The following MIOS variants were observed in gnomAD, a reference collection of about 807,000 sequenced individuals.
MIOS encodes the protein meiosis regulator for oocyte development.
In MIOS, 52 loss-of-function variants were observed where a neutral mutation model predicts 96.9. The ratio of observed to expected loss-of-function variants is 0.54; its 90% CI spans 0.43 to 0.68. The LOEUF is 0.68. MIOS is among the 30% of genes least tolerant of loss of function. The pLI, the probability that MIOS is intolerant of heterozygous loss-of-function variation, is 0.00. For synonymous variants in MIOS, 397 were observed against 359.5 expected (o/e 1.10, Z -1.18); for missense variants, 1,005 against 1,052.8 (o/e 0.95, Z 0.63).
intron 3 of MIOS, among the ~76,000 whole-genome samples, chr7:7,570,771 G>A (rs1219241603): frequency 6.6e-6 from 1 of 152,172 alleles, no homozygotes; most frequent in Non-Finnish European, 1.5e-5. Flanking sequence ...TGATCTGACA[G>A]GAGGCGGAGC....
intron 6 of MIOS, among the ~76,000 whole-genome samples, chr7:7,585,052 GTGTC>G (rs996996586): frequency 2.0e-5 from 3 of 152,060 alleles, no homozygotes; most frequent in African/African-American, 7.2e-5. Flanking sequence ...ATATACATAA[GTGTC>G]TGCATTATAT....
rs761565274 is a variant in MIOS at position 7,589,420 on chromosome 7, G to A, written c.1900G>A (p.Glu634Lys). Reference protein sequence around the residue: ...LSDTQLNRYIEKLTNEMKEAG... With the variant: ...LSDTQLNRYIKKLTNEMKEAG... ...AATTTTCCAGTTAAATAGATACATC[G>A]AAAAGTTGACCAATGAAATGAAAGA... The change falls in exon 9 of 13, where the codon GAA (glutamate) becomes AAA (lysine). Residue 634 changes from glutamate (E) to lysine (K), a missense_variant. Transcript: ENST00000340080. 1.4e-5 allele frequency: 23 copies of A among 1,613,004 alleles called. No individual in the cohort carries two copies. The highest frequency in any genetic ancestry group is 1.7e-5 in the Non-Finnish European group (20 of 1,179,418).
At chr7:7,576,755 G>T (rs1223776246) in intron 5 of MIOS, among the ~76,000 whole-genome samples, 1 of 152,162 alleles carries the variant, frequency 6.6e-6, no homozygotes, top group Admixed American at 6.5e-5. Context: ...TCAGATAGAA[G>T]CCTGCTGCAA....
chr7:7,594,862 C>CCA, intron 9 of MIOS, 118 bp from the exon 10 acceptor site: 1 of 375,182 alleles, frequency 2.7e-6, no homozygotes, highest in South Asian at 7.9e-5. Flanking sequence ...CAGCTTTTGG[C>CCA]AAAAAAAAAA....
intron 11 of MIOS, among the ~76,000 whole-genome samples, chr7:7,599,497 C>T (rs906909038): frequency 6.6e-6 from 1 of 152,176 alleles, no homozygotes; most frequent in African/African-American, 2.4e-5. Context: ...GAGGAAGTTA[C>T]CATTTAAGCC....
At chr7:7,597,743 G>C (rs568704080) in intron 11 of MIOS, among the ~76,000 whole-genome samples, 1 of 151,542 alleles carries the variant, frequency 6.6e-6, no homozygotes, top group Non-Finnish European at 1.5e-5. Context: ...CTGTCACCCA[G>C]GATAGAATGC....
intron 11 of MIOS, among the ~76,000 whole-genome samples, chr7:7,599,130 A>C (rs754430651): frequency 6.6e-6 from 1 of 152,178 alleles, no homozygotes; most frequent in Non-Finnish European, 1.5e-5. Context: ...TGTCATTTCA[A>C]AGTCTCTAAA....
chr7:7,586,155 C>CGTGTGTGT lies in MIOS; in HGVS notation c.1818+383_1818+390dup, dbSNP rs10527974. Among the ~76,000 whole-genome samples the CGTGTGTGT allele has an allele frequency of 3.1e-3, 461 of 150,042 alleles. 3 individuals carry two copies. The highest frequency in any genetic ancestry group is 7.0e-3 in the Admixed American group (105 of 15,068). On this transcript the variant is annotated intron_variant, in intron 7 of 12. Transcript: ENST00000340080. ...GCTGTTTACACTGTGCACACATGCA[C>CGTGTGTGT]GTGTGTGTGTGTGTGTGTGTGTGTG...
chr7:7,606,037 G>A lies in MIOS; in HGVS notation c.2497G>A (p.Gly833Ser), dbSNP rs756174237. ...TACATGGTGTCATAATTGCAGGCAC[G>A]GTGGACATGCTGGACATATGCTTAG... The part of the protein sequence containing the change: ...WFTWCHNCRH[G>S]GHAGHMLSWF... The change falls in exon 12 of 13, where the codon GGT becomes AGT. Residue 833 changes from glycine to serine, a missense_variant. By Grantham distance (56) the Gly-to-Ser change is moderately conservative. Around this residue, in one of 3 missense-constraint regions of MIOS, gnomAD observed 865 missense variants for 887.9 expected, o/e 0.97. Transcript: ENST00000340080. 17 of 1,613,846 alleles carry A rather than the reference G, an allele frequency of 1.1e-5. No individual in the cohort carries two copies. The highest frequency in any genetic ancestry group is 3.3e-5 in the Admixed American group (2 of 59,990).
rs1002962506 is a variant in MIOS, at chr7:7,583,125, G to T, written c.1401G>T (p.Val467=). The T allele has an allele frequency of 1.2e-6, 2 of 1,607,132 alleles. No individual in the cohort carries two copies. Among genetic ancestry groups the T allele is most frequent in the African/African-American group, 2.7e-5 (2 of 74,634 alleles). Residue 467 remains valine, a synonymous_variant, in exon 6 of 13, where the codon GTG becomes GTT. Coordinates refer to ENST00000340080, the MANE Select transcript of MIOS (RefSeq NM_019005.4). ...AATGTTTTCTGTTTTTAGGAATGGTGGAAAGCAGCAGACATAATTGGAGTG... is the reference window on the plus strand; with the variant it reads ...AATGTTTTCTGTTTTTAGGAATGGTTGAAAGCAGCAGACATAATTGGAGTG... ...KSIVKSSLGM[V]ESSRHNWSGL...
At chr7:7,583,516 C>A in intron 6 of MIOS, 144 bp downstream of exon 6, 1 of 939,178 alleles carries the variant, frequency 1.1e-6, no homozygotes, top group Non-Finnish European at 1.5e-6. Flanking sequence ...GAAAACACAG[C>A]AGTATATCTA....
At chr7:7,605,048 T>G (rs1310946254) in intron 11 of MIOS, 1 of 152,216 alleles carries the variant, frequency 6.6e-6, no homozygotes, top group Non-Finnish European at 1.5e-5. Flanking sequence ...CGGATATTTT[T>G]TAAAACTATT....
chr7:7,594,230 T>G (rs1784136489), intron 9 of MIOS, among the ~76,000 whole-genome samples: 1 of 152,116 alleles, frequency 6.6e-6, no homozygotes, highest in Admixed American at 6.5e-5. Context: ...AGCATCTCAG[T>G]TCACCGTGCA....
At chr7:7,577,122 AAGAAAG>A (rs1359698433) in intron 5 of MIOS, among the ~76,000 whole-genome samples, 5 of 152,298 alleles carry the variant, frequency 3.3e-5, no homozygotes, top group African/African-American at 1.2e-4. Context: ...TGTTTGGAGT[AAGAAAG>A]AGATGGCTTA....
At chr7:7,588,459 C>A (rs369313626) in intron 7 of MIOS, 39 bp from the exon 8 acceptor site, 4 of 1,353,178 alleles carry the variant, frequency 3.0e-6, no homozygotes, top group East Asian at 2.5e-5. Context: ...AAAACCAGTG[C>A]GCCTAGAAGT....
intron 7 of MIOS, among the ~76,000 whole-genome samples, chr7:7,587,656 TC>T (rs1783931637): frequency 6.6e-6 from 1 of 152,122 alleles, no homozygotes; most frequent in Admixed American, 6.5e-5. Flanking sequence ...TGCAACTGAA[TC>T]TAAGAGTTAA....
chr7:7,593,232 G>A (rs1784100192), intron 9 of MIOS, among the ~76,000 whole-genome samples: 1 of 152,018 alleles, frequency 6.6e-6, no homozygotes, highest in Non-Finnish European at 1.5e-5. Context: ...TCATAATTAG[G>A]GCTAGAGTAG....
rs149990139 is a variant in MIOS at position 7,608,003 on chromosome 7, T to G, written c.*911T>G. ...ATTTAGTATAATCTATGTCAGTGTT[T>G]CTGTGCTGTCAAATTCCGTCCTGAT... On this transcript the variant is annotated 3_prime_UTR_variant, in exon 13 of 13. Coordinates refer to ENST00000340080, the MANE Select transcript of MIOS (RefSeq NM_019005.4). 1 of 152,174 alleles carries G rather than the reference T, an allele frequency of 6.6e-6. No homozygotes were observed. Among genetic ancestry groups the G allele is most frequent in the Non-Finnish European group, 1.5e-5 (1 of 68,012 alleles). The allele number at this position is 152,174 out of a possible 1,614,324, so 9.4% of individuals were successfully genotyped here.
At chr7:7,571,951 A>G (rs969799476) in intron 3 of MIOS, among the ~76,000 whole-genome samples, 5 of 152,236 alleles carry the variant, frequency 3.3e-5, no homozygotes, top group Admixed American at 3.3e-4. Context: ...TCTAGTGCTC[A>G]GTAGCTACAT....
Sources: allele counts gnomAD v4.1 joint callset (sites outside exome capture counted in the v4.1 genomes callset), GRCh38; gene constraint gnomAD v4.1.1; regional missense constraint gnomAD v4.1.1; transcripts MANE v1.5; gene names NCBI Gene and HGNC (gene_info 2026-07-23, HGNC 2026-07-21).